KRTAP5-6: variants seen among roughly 807,000 people sequenced by gnomAD.
The protein encoded by KRTAP5-6 is keratin-associated protein 5-6.
For missense variants in KRTAP5-6, 175 were observed against 157.6 expected (o/e 1.11, Z -0.59); for synonymous variants, 57 against 61.7 (o/e 0.92, Z 0.36).
chr11:1,697,590 C>G lies in KRTAP5-6; in HGVS notation c.345C>G (p.Ser115=), dbSNP rs1850706159. 1.2e-6 allele frequency: 2 copies of G among 1,613,900 alleles called. No homozygotes were observed. Among genetic ancestry groups the G allele is most frequent in the Non-Finnish European group, 1.7e-6 (2 of 1,179,986 alleles). ...CCAGCTGCTGCAAGCCCTGCTGTTC[C>G]CAGGCCAGCTGCTGTGTCCCCATTT... The part of the protein sequence containing the change: ...CQSSCCKPCC[S]QASCCVPICC... Residue 115 remains serine (S), a synonymous_variant, in exon 1 of 1, where the codon TCC becomes TCG. Transcript: ENST00000382160.
Position 1,697,663 on chromosome 11 carries a change from C to G in KRTAP5-6, c.*28C>G, listed in dbSNP as rs181311214. On this transcript the variant is annotated 3_prime_UTR_variant, in exon 1 of 1. Transcript: ENST00000382160. ...CTCTGACTTTGGACCTCAGGTGAGT[C>G]CAGCATATCCACACCACCCAAGAAG... 109 of 1,613,718 alleles carry G rather than the reference C, an allele frequency of 6.8e-5. 1 individual carries two copies. In the East Asian group the frequency reaches 2.4e-3, roughly 36 times the overall value.
At position 1,697,320 on chromosome 11, in the gene KRTAP5-6, G is replaced by A. The variant is rs756411905; in HGVS notation, c.75G>A (p.Gly25=). ...GTGGCTCTGGCTGTGGGGGCTGTGGGTCCAGCTGCTGTGTGCCCATCTGCT... is the reference window on the plus strand; with the variant it reads ...GTGGCTCTGGCTGTGGGGGCTGTGGATCCAGCTGCTGTGTGCCCATCTGCT... ...GGCGSGCGGC[G]SSCCVPICCC... is the part of the protein sequence containing the mutation. The change falls in exon 1 of 1, where the codon GGG becomes GGA. Residue 25 remains glycine, a synonymous_variant. Transcript: ENST00000382160. The A allele has an allele frequency of 6.2e-7, 1 of 1,612,828 alleles. No homozygotes were observed. The highest frequency in any genetic ancestry group is 8.5e-7 in the Non-Finnish European group (1 of 1,179,926).
In KRTAP5-6 at chr11:1,697,533, T is replaced by C. The variant is rs769346567; in HGVS notation, c.288T>C (p.Cys96=). ...SQCSCCKPCY[C]SSGCGSSCCQ... ...GCAGTTGCTGCAAGCCCTGCTACTGTTCCTCAGGCTGTGGGTCATCCTGCT... is the reference window on the plus strand; with the variant it reads ...GCAGTTGCTGCAAGCCCTGCTACTGCTCCTCAGGCTGTGGGTCATCCTGCT... The change falls in exon 1 of 1, where the codon TGT becomes TGC. Residue 96 remains cysteine (C), a synonymous_variant. Transcript: ENST00000382160. The C allele has an allele frequency of 6.2e-7, 1 of 1,613,774 alleles. No homozygotes were observed. The highest frequency in any genetic ancestry group is 8.5e-7 in the Non-Finnish European group (1 of 1,179,944).
rs1443384089 is a variant in KRTAP5-6 at position 1,697,729 on chromosome 11, C to G, written c.*94C>G. On this transcript the variant is annotated 3_prime_UTR_variant, in exon 1 of 1. Transcript: ENST00000382160. The stretch of plus-strand genomic sequence containing the variant: ...TTCAGTTCTGGCTGTCCCACAGCTC[C>G]AGGAGTTGTGTCCCCTGAATTTTGC... 6.4e-7 allele frequency: 1 copy of G among 1,554,702 alleles called. No homozygotes were observed. The highest frequency in any genetic ancestry group is 8.8e-7 in the Non-Finnish European group (1 of 1,138,954).
In KRTAP5-6 at chr11:1,697,296, T is replaced by C. The variant is rs781409484; in HGVS notation, c.51T>C (p.Cys17=). The change falls in exon 1 of 1, where the codon TGT becomes TGC. Residue 17 remains cysteine (C), a synonymous_variant. Transcript: ENST00000382160. Reference sequence around the variant, plus strand: ...GCTGTGGCTCCGGCTGTGGGGGCTGTGGCTCTGGCTGTGGGGGCTGTGGGT... The same window carrying C: ...GCTGTGGCTCCGGCTGTGGGGGCTGCGGCTCTGGCTGTGGGGGCTGTGGGT... ...SGGCGSGCGG[C]GSGCGGCGSS... The C allele has an allele frequency of 4.3e-6, 7 of 1,612,910 alleles. No homozygotes were observed. The East Asian group carries it at 1.6e-4, about 36-fold the overall frequency.
chr11:1,697,288 G>C lies in KRTAP5-6; in HGVS notation c.43G>C (p.Gly15Arg). ...GCSGGCGSGCGGCGSGCGGCG... is the reference protein window; with the variant it reads ...GCSGGCGSGCRGCGSGCGGCG... ...CTCTGGAGGCTGTGGCTCCGGCTGT[G>C]GGGGCTGTGGCTCTGGCTGTGGGGG... Residue 15 changes from glycine (G) to arginine (R), a missense_variant, in exon 1 of 1, where the codon GGG becomes CGG. Physicochemically the swap from Gly to Arg is moderately radical, Grantham distance 125. Transcript: ENST00000382160. 6.2e-7 allele frequency: 1 copy of C among 1,612,876 alleles called. No homozygotes were observed. Among genetic ancestry groups the C allele is most frequent in the Non-Finnish European group, 8.5e-7 (1 of 1,179,704 alleles).
Position 1,697,354 on chromosome 11 carries a change from C to T in KRTAP5-6, c.109C>T (p.Pro37Ser). Residue 37 changes from proline (P) to serine (S), a missense_variant, in exon 1 of 1, where the codon CCC (proline) becomes TCC (serine). Coordinates refer to ENST00000382160, the MANE Select transcript of KRTAP5-6 (RefSeq NM_001012416.1). ...CTGTGTGCCCATCTGCTGCTGCAAG[C>T]CCGTGTGCTGCTGTGTGCCAGCCTG... ...SCCVPICCCK[P>S]VCCCVPACSC... The T allele has an allele frequency of 6.2e-7, 1 of 1,612,902 alleles. No homozygotes were observed. The highest frequency in any genetic ancestry group is 1.3e-5 in the African/African-American group (1 of 74,774).
Position 1,697,417 on chromosome 11 carries a change from G to A in KRTAP5-6, c.172G>A (p.Gly58Arg). ...CTGTGGCTCTTGTGGGGGCTCCAAG[G>A]GGTGCTGTGGCTCTTGTGGGGGCTC... ...TSCGSCGGSKGCCGSCGGSKG... is the reference protein window; with the variant it reads ...TSCGSCGGSKRCCGSCGGSKG... Residue 58 changes from glycine to arginine, a missense_variant, in exon 1 of 1, where the codon GGG becomes AGG. By Grantham distance (125) the Gly-to-Arg change is moderately radical. Coordinates refer to ENST00000382160, the MANE Select transcript of KRTAP5-6 (RefSeq NM_001012416.1). 2 of 1,612,772 alleles carry A rather than the reference G, an allele frequency of 1.2e-6. No homozygotes were observed. Among genetic ancestry groups the A allele is most frequent in the Non-Finnish European group, 1.7e-6 (2 of 1,179,842 alleles).
rs751437617 is a variant in KRTAP5-6 at position 1,697,678 on chromosome 11, C to G, written c.*43C>G. ...TCAGGTGAGTCCAGCATATCCACAC[C>G]ACCCAAGAAGTGACCAGTGCTGCAT... On this transcript the variant is annotated 3_prime_UTR_variant, in exon 1 of 1. Coordinates refer to ENST00000382160, the MANE Select transcript of KRTAP5-6 (RefSeq NM_001012416.1). The G allele has an allele frequency of 6.2e-7, 1 of 1,612,580 alleles. No homozygotes were observed. The highest frequency in any genetic ancestry group is 8.5e-7 in the Non-Finnish European group (1 of 1,179,104).
chr11:1,697,428 C>G lies in KRTAP5-6; in HGVS notation c.183C>G (p.Gly61=). ...GTGGGGGCTCCAAGGGGTGCTGTGG[C>G]TCTTGTGGGGGCTCCAAAGGGGGCT... is the stretch of plus-strand genomic sequence containing the variant. ...GSCGGSKGCC[G]SCGGSKGGCG... Residue 61 remains glycine, a synonymous_variant, in exon 1 of 1, where the codon GGC becomes GGG. Coordinates refer to ENST00000382160, the MANE Select transcript of KRTAP5-6 (RefSeq NM_001012416.1). The G allele has an allele frequency of 6.2e-7, 1 of 1,612,226 alleles. No homozygotes were observed. The highest frequency in any genetic ancestry group is 8.5e-7 in the Non-Finnish European group (1 of 1,179,670).
chr11:1,697,469 G>A lies in KRTAP5-6; in HGVS notation c.224G>A (p.Gly75Asp), dbSNP rs774585207. 10 of 1,613,456 alleles carry A rather than the reference G, an allele frequency of 6.2e-6. No individual in the cohort carries two copies. The Admixed American group carries it at 1.2e-4, about 19-fold the overall frequency. Residue 75 changes from glycine (G) to aspartate (D), a missense_variant, in exon 1 of 1, where the codon GGC becomes GAC. Gly to Asp is a moderately conservative substitution (Grantham distance 94, BLOSUM62 -1). Transcript: ENST00000382160. ...GSKGGCGSCG[G>D]SKGGCGSCGC... Reference sequence around the variant, plus strand: ...AAAGGGGGCTGTGGCTCTTGTGGGGGCTCCAAGGGAGGCTGTGGCTCTTGT... The same window carrying A: ...AAAGGGGGCTGTGGCTCTTGTGGGGACTCCAAGGGAGGCTGTGGCTCTTGT...
Position 1,697,396 on chromosome 11 carries a change from G to A in KRTAP5-6, c.151G>A (p.Gly51Ser), listed in dbSNP as rs1850700902. ...CVPACSCTSC[G>S]SCGGSKGCCG... ...GCCAGCCTGTTCCTGCACCAGCTGT[G>A]GCTCTTGTGGGGGCTCCAAGGGGTG... Residue 51 changes from glycine to serine, a missense_variant, in exon 1 of 1, where the codon GGC becomes AGC. Gly to Ser is a moderately conservative substitution (Grantham distance 56). Coordinates refer to ENST00000382160, the MANE Select transcript of KRTAP5-6 (RefSeq NM_001012416.1). 6.2e-7 allele frequency: 1 copy of A among 1,612,298 alleles called. No homozygotes were observed. Among genetic ancestry groups the A allele is most frequent in the South Asian group, 1.1e-5 (1 of 90,976 alleles).
At position 1,697,487 on chromosome 11, in the gene KRTAP5-6, G is replaced by C. The variant is rs1051308947; in HGVS notation, c.242G>C (p.Gly81Ala). The C allele has an allele frequency of 1.9e-6, 3 of 1,613,930 alleles. No homozygotes were observed. The highest frequency in any genetic ancestry group is 2.5e-6 in the Non-Finnish European group (3 of 1,180,044). The change falls in exon 1 of 1, where the codon GGC (glycine) becomes GCC (alanine). Residue 81 changes from glycine (G) to alanine (A), a missense_variant. Physicochemically the swap from Gly to Ala is moderately conservative, Grantham distance 60. Coordinates refer to ENST00000382160, the MANE Select transcript of KRTAP5-6 (RefSeq NM_001012416.1). ...TGTGGGGGCTCCAAGGGAGGCTGTG[G>C]CTCTTGTGGCTGCTCCCAGTGCAGT... ...GSCGGSKGGCGSCGCSQCSCC... is the reference protein window; with the variant it reads ...GSCGGSKGGCASCGCSQCSCC...
rs1293141404 is a variant in KRTAP5-6 at position 1,697,696 on chromosome 11, T to C, written c.*61T>C. The C allele has an allele frequency of 1.2e-6, 2 of 1,601,790 alleles. No individual in the cohort carries two copies. The highest frequency in any genetic ancestry group is 2.2e-5 in the East Asian group (1 of 44,764). On this transcript the variant is annotated 3_prime_UTR_variant, in exon 1 of 1. Transcript: ENST00000382160. ...TCCACACCACCCAAGAAGTGACCAG[T>C]GCTGCATTTCAGTTCTGGCTGTCCC...
rs779667447 is a variant in KRTAP5-6, at chr11:1,697,614, T to C, written c.369T>C (p.Ile123=). 1.2e-5 allele frequency: 20 copies of C among 1,613,992 alleles called. No individual in the cohort carries two copies. The highest frequency in any genetic ancestry group is 2.7e-5 in the African/African-American group (2 of 74,896). ...CCCAGGCCAGCTGCTGTGTCCCCATTTGCTGCCAGTGCAAAATCTGAGGCT... is the reference window on the plus strand; with the variant it reads ...CCCAGGCCAGCTGCTGTGTCCCCATCTGCTGCCAGTGCAAAATCTGAGGCT... ...CCSQASCCVP[I]CCQCKI The change falls in exon 1 of 1, where the codon ATT becomes ATC. Residue 123 remains isoleucine (I), a synonymous_variant. Transcript: ENST00000382160.
In KRTAP5-6 at chr11:1,697,203, T is replaced by G; in HGVS notation, c.-43T>G. 1.2e-6 allele frequency: 2 copies of G among 1,612,236 alleles called. No homozygotes were observed. Among genetic ancestry groups the G allele is most frequent in the Non-Finnish European group, 1.7e-6 (2 of 1,179,826 alleles). On this transcript the variant is annotated 5_prime_UTR_variant, in exon 1 of 1. Coordinates refer to ENST00000382160, the MANE Select transcript of KRTAP5-6 (RefSeq NM_001012416.1). Reference sequence around the variant, plus strand: ...AGCTCCATACCTGCACACCTCCCTCTCACCTGCTCCTCTACCTGCTCCACC... The same window carrying G: ...AGCTCCATACCTGCACACCTCCCTCGCACCTGCTCCTCTACCTGCTCCACC...
In KRTAP5-6 at chr11:1,697,409, G is replaced by T; in HGVS notation, c.164G>T (p.Gly55Val). 2 of 1,612,832 alleles carry T rather than the reference G, an allele frequency of 1.2e-6. No homozygotes were observed. The highest frequency in any genetic ancestry group is 1.7e-6 in the Non-Finnish European group (2 of 1,179,918). ...CSCTSCGSCG[G>V]SKGCCGSCGG... ...TGCACCAGCTGTGGCTCTTGTGGGG[G>T]CTCCAAGGGGTGCTGTGGCTCTTGT... The change falls in exon 1 of 1, where the codon GGC becomes GTC. Residue 55 changes from glycine (G) to valine (V), a missense_variant. Transcript: ENST00000382160.
In KRTAP5-6 at chr11:1,697,621, C is replaced by A. The variant is rs1850706691; in HGVS notation, c.376C>A (p.Gln126Lys). The change falls in exon 1 of 1, where the codon CAG becomes AAG. Residue 126 changes from glutamine to lysine, a missense_variant. By Grantham distance (53) the Gln-to-Lys change is moderately conservative. Transcript: ENST00000382160. The stretch of plus-strand genomic sequence containing the variant: ...CAGCTGCTGTGTCCCCATTTGCTGC[C>A]AGTGCAAAATCTGAGGCTCTGACTT... ...QASCCVPICCQCKI is the reference protein window; with the variant it reads ...QASCCVPICCKCKI The A allele has an allele frequency of 1.2e-6, 2 of 1,614,168 alleles. No homozygotes were observed. Among genetic ancestry groups the A allele is most frequent in the Middle Eastern group, 1.7e-4 (1 of 6,060 alleles).
chr11:1,697,680 C>A lies in KRTAP5-6; in HGVS notation c.*45C>A. ...AGGTGAGTCCAGCATATCCACACCA[C>A]CCAAGAAGTGACCAGTGCTGCATTT... is the stretch of plus-strand genomic sequence containing the variant. On this transcript the variant is annotated 3_prime_UTR_variant, in exon 1 of 1. Coordinates refer to ENST00000382160, the MANE Select transcript of KRTAP5-6 (RefSeq NM_001012416.1). 1 of 1,611,556 alleles carries A rather than the reference C, an allele frequency of 6.2e-7. No individual in the cohort carries two copies. Among genetic ancestry groups the A allele is most frequent in the Non-Finnish European group, 8.5e-7 (1 of 1,178,322 alleles).
Sources: gnomAD v4.1 joint callset for allele counts on GRCh38, gnomAD v4.1.1 for gene constraint, MANE v1.5 for transcripts, NCBI Gene and HGNC (gene_info 2026-07-23, HGNC 2026-07-21) for gene names.